The following FA2H variants were observed in gnomAD, a reference collection of about 807,000 sequenced individuals.
FA2H encodes fatty acid alpha-hydroxylase.
Under a neutral mutation model 44.9 loss-of-function variants are expected in FA2H, and 22 were observed. That is an observed-to-expected ratio of 0.49 (90% CI 0.35 to 0.70). The LOEUF (loss-of-function observed/expected upper bound fraction) is 0.70. Ranked by LOEUF, FA2H falls within the 30% of genes least tolerant of loss-of-function variation. FA2H has a pLI of 0.01. For missense variants in FA2H, 501 were observed against 504.9 expected, an observed-to-expected ratio of 0.99 and a Z score of 0.07; for synonymous variants, 243 against 213.2, an observed-to-expected ratio of 1.14 and a Z score of -1.22.
rs763647775 is a variant in FA2H at position 74,738,424 on chromosome 16, G to C, written c.363+1599C>G. ...GGGCCGGGGTCAGCCCTGAACCACA[G>C]CTCGGGGAGACTGGGAGGAGCTGAC... On this transcript the variant is annotated intron_variant, in intron 2 of 6. Transcript: ENST00000219368. Among the ~76,000 whole-genome samples the C allele has an allele frequency of 1.4e-4, 22 of 152,280 alleles. No homozygotes were observed. The Middle Eastern group carries it at 0.01, about 71-fold the overall frequency.
intron 1 of FA2H, among the ~76,000 whole-genome samples, chr16:74,741,858 GTGTGTGTGTGTA>G (rs1962317699): frequency 2.8e-5 from 4 of 142,458 alleles, no homozygotes; most frequent in African/African-American, 1.1e-4. Context: ...ATGTGTGTAT[GTGTGTGTGTGTA>G]TGTGTGTGTG....
intron 1 of FA2H, among the ~76,000 whole-genome samples, chr16:74,768,107 A>C (rs1962841682): frequency 6.6e-6 from 1 of 152,246 alleles, no homozygotes; most frequent in Non-Finnish European, 1.5e-5. Flanking sequence ...TCATAAGAAA[A>C]AAAATAAGCG....
chr16:74,764,156 G>A (rs965627373), intron 1 of FA2H, among the ~76,000 whole-genome samples: 2 of 152,290 alleles, frequency 1.3e-5, no homozygotes, highest in African/African-American at 4.8e-5. Flanking sequence ...GGTGGGGAAA[G>A]TGGTCATTAG....
rs139459274 is a variant in FA2H, at chr16:74,716,409, C to A, written c.977G>T (p.Gly326Val). Residue 326 changes from glycine to valine, a missense_variant, in exon 6 of 7, where the codon GGC becomes GTC. Gly to Val is a moderately radical substitution (Grantham distance 109, BLOSUM62 -3). Transcript: ENST00000219368. ...GGCCTTCAGGCTGTACAGGTAGGAG[C>A]CCTTGTGCGGCGAGCCAAAGTGCAG... ...YYLHFGSPHK[G>V]SYLYSLKAHH... is the part of the protein sequence containing the mutation. 6.2e-7 allele frequency: 1 copy of A among 1,614,034 alleles called. No individual in the cohort carries two copies. Among genetic ancestry groups the A allele is most frequent in the African/African-American group, 1.3e-5 (1 of 75,002 alleles).
intron 4 of FA2H, among the ~76,000 whole-genome samples, chr16:74,722,689 G>A (rs1388024738): frequency 1.3e-5 from 2 of 152,142 alleles, no homozygotes; most frequent in Non-Finnish European, 2.9e-5. Flanking sequence ...GAGGTGGGCG[G>A]ATCAGCTGAG....
At chr16:74,738,597 C>A (rs1163278751) in intron 2 of FA2H, among the ~76,000 whole-genome samples, 2 of 152,206 alleles carry the variant, frequency 1.3e-5, no homozygotes, top group African/African-American at 4.8e-5. Flanking sequence ...AGAATTCAAG[C>A]CCTAAGCCAA....
chr16:74,720,210 T>TTTTTTTTTTG (rs1961805121), intron 4 of FA2H, among the ~76,000 whole-genome samples: 2 of 124,418 alleles, frequency 1.6e-5, no homozygotes, highest in Non-Finnish European at 3.4e-5. Context: ...TTTTTTTTTT[T>TTTTTTTTTTG]TGTGAGATAG....
intron 1 of FA2H, among the ~76,000 whole-genome samples, chr16:74,753,694 A>G (rs1962568127): frequency 6.6e-6 from 1 of 151,954 alleles, no homozygotes. Context: ...ATAACCCCAT[A>G]AGCACTGCCT....
At chr16:74,774,111 G>T in intron 1 of FA2H, among the ~76,000 whole-genome samples, 1 of 152,090 alleles carries the variant, frequency 6.6e-6, no homozygotes, top group East Asian at 1.9e-4. Context: ...AGAGGGAGAG[G>T]CCGATAAGTG....
At chr16:74,722,124 A>G (rs940159476) in intron 4 of FA2H, among the ~76,000 whole-genome samples, 4 of 150,870 alleles carry the variant, frequency 2.7e-5, no homozygotes, top group African/African-American at 7.3e-5. Flanking sequence ...CTCCCTCCCA[A>G]GGGACTCCTC....
intron 1 of FA2H, among the ~76,000 whole-genome samples, chr16:74,745,169 A>C (rs991056501): frequency 4.6e-5 from 7 of 151,956 alleles, no homozygotes; most frequent in Admixed American, 2.0e-4. Context: ...ACAGCTTGAC[A>C]CTCTTGTGTT....
intron 1 of FA2H, among the ~76,000 whole-genome samples, chr16:74,766,561 G>A (rs1390753557): frequency 6.6e-6 from 1 of 152,090 alleles, no homozygotes; most frequent in East Asian, 1.9e-4. Flanking sequence ...ACCTGCCCAA[G>A]AGACTGCGAC....
intron 1 of FA2H, among the ~76,000 whole-genome samples, chr16:74,761,461 AGAAAG>A (rs766317405): frequency 9.7e-4 from 105 of 108,182 alleles, no homozygotes; most frequent in African/African-American, 1.1e-3. Flanking sequence ...TCAAAAAAAA[AGAAAG>A]AAAGAAAGAA....
chr16:74,770,041 G>C (rs1962878860), intron 1 of FA2H, among the ~76,000 whole-genome samples: 1 of 152,236 alleles, frequency 6.6e-6, no homozygotes, highest in Admixed American at 6.5e-5. Flanking sequence ...CTCCCTGGGG[G>C]AAGGGCCAGG....
chr16:74,749,589 A>G (rs1962494437), intron 1 of FA2H, among the ~76,000 whole-genome samples: 1 of 152,138 alleles, frequency 6.6e-6, no homozygotes, highest in African/African-American at 2.4e-5. Flanking sequence ...TCGTGAAGTG[A>G]ACTCCCTCTG....
intron 2 of FA2H, among the ~76,000 whole-genome samples, chr16:74,728,411 CTTTGCAGAGGATCTGGGTTTTGG>C (rs1419865345): frequency 1.3e-5 from 2 of 151,954 alleles, no homozygotes; most frequent in Non-Finnish European, 2.9e-5. Flanking sequence ...GCGAGGAGGG[CTTTGCAGAGGATCTGGGTTTTGG>C]TTTGGAGTTC....
At chr16:74,738,933 G>A (rs188989409) in intron 2 of FA2H, among the ~76,000 whole-genome samples, 7 of 152,308 alleles carry the variant, frequency 4.6e-5, no homozygotes, top group African/African-American at 4.8e-5. Context: ...AACTTCCTTC[G>A]GCCTCTCTGG....
chr16:74,727,507 G>GT, intron 2 of FA2H, 121 bp from the exon 3 acceptor site: 6 of 1,067,548 alleles, frequency 5.6e-6, no homozygotes, highest in Non-Finnish European at 8.5e-6. Flanking sequence ...ATCTGTGTGG[G>GT]GCCACCCACC....
chr16:74,753,952 A>G (rs1240141041), intron 1 of FA2H, among the ~76,000 whole-genome samples: 1 of 152,126 alleles, frequency 6.6e-6, no homozygotes, highest in Non-Finnish European at 1.5e-5. Context: ...GATTTTTTTC[A>G]CTCAAGTGAA....
Sources: gnomAD v4.1 joint callset for allele counts (sites outside exome capture counted in the v4.1 genomes callset) on GRCh38, gnomAD v4.1.1 for gene constraint, MANE v1.5 for transcripts, NCBI Gene and HGNC (gene_info 2026-07-23, HGNC 2026-07-21) for gene names.